The following BCL2 variants were observed in gnomAD, a reference collection of about 807,000 sequenced individuals.
The protein encoded by BCL2 is BCL2 apoptosis regulator, also known as apoptosis regulator Bcl-2.
BCL2 carries 1 observed loss-of-function variant against 14.2 expected under a neutral mutation model. That is an observed-to-expected ratio of 0.07 (90% CI 0.02 to 0.33). The LOEUF (loss-of-function observed/expected upper bound fraction) is 0.33, where lower values mean the gene tolerates loss of function less well. Ranked by LOEUF, BCL2 falls within the 10% of genes least tolerant of loss-of-function variation. The pLI is 0.99. For missense variants in BCL2, 247 were observed against 305.9 expected, an observed-to-expected ratio of 0.81 and a Z score of 1.44; for synonymous variants, 151 against 137.2, an observed-to-expected ratio of 1.10 and a Z score of -0.70.
At chr18:63,148,352 T>C (rs1914566395) in intron 2 of BCL2, among the ~76,000 whole-genome samples, 1 of 151,842 alleles carries the variant, frequency 6.6e-6, no homozygotes, top group African/African-American at 2.4e-5. Context: ...TAAAAGAAAA[T>C]CAAAAGAAAT....
At chr18:63,287,862 T>C (rs1455998990) in intron 2 of BCL2, among the ~76,000 whole-genome samples, 1 of 152,168 alleles carries the variant, frequency 6.6e-6, no homozygotes, top group Non-Finnish European at 1.5e-5. Context: ...AACTCAGATA[T>C]GCAGACTTTC....
chr18:63,264,607 C>A (rs142234112), intron 2 of BCL2, among the ~76,000 whole-genome samples: 8 of 152,312 alleles, frequency 5.3e-5, no homozygotes, highest in Non-Finnish European at 1.2e-4. Context: ...TGTCTTTGAA[C>A]AGCTTGCATG....
intron 2 of BCL2, among the ~76,000 whole-genome samples, chr18:63,260,018 G>A (rs1381787525): frequency 2.6e-5 from 4 of 152,122 alleles, no homozygotes; most frequent in African/African-American, 9.7e-5. Context: ...ATATTGTGAG[G>A]AAGACCAAAC....
At chr18:63,131,420 G>C (rs769116941) in intron 2 of BCL2, among the ~76,000 whole-genome samples, 1 of 152,220 alleles carries the variant, frequency 6.6e-6, no homozygotes, top group African/African-American at 2.4e-5. Flanking sequence ...TCTTAGCACA[G>C]AGCTAAGGCA....
chr18:63,280,021 C>T (rs991216672), intron 2 of BCL2, among the ~76,000 whole-genome samples: 3 of 152,128 alleles, frequency 2.0e-5, no homozygotes, highest in Admixed American at 6.5e-5. Flanking sequence ...GTTTCTTTTA[C>T]CTGCATGATG....
rs115885790 is a variant in BCL2, at chr18:63,202,619, G to A, written c.586-73860C>T. On this transcript the variant is annotated intron_variant, in intron 2 of 2. Transcript: ENST00000333681. ...AAAGACATGATCTGTACCTCGTTCT[G>A]TTTACAGTATTATTGCTTGGCTGTA... 7.0e-3 allele frequency among the ~76,000 whole-genome samples: 1,061 copies of A among 152,186 alleles called. 10 individuals carry two copies. The highest frequency in any genetic ancestry group is 0.024 in the African/African-American group (992 of 41,512).
chr18:63,277,747 A>G (rs1912197592), intron 2 of BCL2, among the ~76,000 whole-genome samples: 1 of 152,134 alleles, frequency 6.6e-6, no homozygotes, highest in Admixed American at 6.6e-5. Context: ...TCCACTGACC[A>G]GGTTTCTCAT....
chr18:63,311,488 C>A (rs1012089403), intron 2 of BCL2, among the ~76,000 whole-genome samples: 4 of 152,168 alleles, frequency 2.6e-5, no homozygotes, highest in African/African-American at 4.8e-5. Flanking sequence ...ATGGAGAAAA[C>A]CTCCCCTGAA....
intron 2 of BCL2, among the ~76,000 whole-genome samples, chr18:63,201,451 C>T (rs187897093): frequency 5.2e-4 from 79 of 152,198 alleles, no homozygotes; most frequent in African/African-American, 1.5e-3. Context: ...CATGATTTTA[C>T]GGAATCAGTG....
intron 2 of BCL2, among the ~76,000 whole-genome samples, chr18:63,308,728 T>C (rs2551399): frequency 0.095 from 14,454 of 152,212 alleles, 834 homozygotes; most frequent in Admixed American, 0.14. Context: ...TAAATATTAA[T>C]GAACCTGTAG....
intron 2 of BCL2, among the ~76,000 whole-genome samples, chr18:63,136,592 GAA>G (rs1032585376): frequency 1.3e-5 from 2 of 152,232 alleles, no homozygotes; most frequent in African/African-American, 4.8e-5. Flanking sequence ...AGAAAAAAAG[GAA>G]AAGACTCATG....
chr18:63,166,396 C>A (rs1275662012), intron 2 of BCL2, among the ~76,000 whole-genome samples: 2 of 152,162 alleles, frequency 1.3e-5, no homozygotes, highest in Non-Finnish European at 2.9e-5. Context: ...TCCCTGGACC[C>A]TGGACAGCAC....
At position 63,149,002 on chromosome 18, in the gene BCL2, A is replaced by G. The variant is rs1227941528; in HGVS notation, c.586-20243T>C. Among the ~76,000 whole-genome samples the G allele has an allele frequency of 6.6e-6, 1 of 152,212 alleles. No individual in the cohort carries two copies. Among genetic ancestry groups the G allele is most frequent in the African/African-American group, 2.4e-5 (1 of 41,446 alleles). ...TCAATCACGCGGCCTCCCTAAATGTAGCTATGACTCCCAGCTAAACGGGCC... is the reference window on the plus strand; with the variant it reads ...TCAATCACGCGGCCTCCCTAAATGTGGCTATGACTCCCAGCTAAACGGGCC... On this transcript the variant is annotated intron_variant, in intron 2 of 2. Transcript: ENST00000333681. The surrounding 1 kb of genome is among the most constrained non-coding windows in gnomAD (Gnocchi z 4.2).
At chr18:63,275,965 A>G (rs1912139522) in intron 2 of BCL2, among the ~76,000 whole-genome samples, 1 of 152,258 alleles carries the variant, frequency 6.6e-6, no homozygotes, top group Non-Finnish European at 1.5e-5. Context: ...TATGGTGGGA[A>G]GGGAGTGATG....
At chr18:63,279,874 G>T (rs1049257513) in intron 2 of BCL2, among the ~76,000 whole-genome samples, 3 of 152,206 alleles carry the variant, frequency 2.0e-5, no homozygotes. Context: ...CATTTAGGGT[G>T]ACATACTTAG....
intron 2 of BCL2, among the ~76,000 whole-genome samples, chr18:63,232,733 T>C (rs1194387015): frequency 6.6e-6 from 1 of 152,252 alleles, no homozygotes; most frequent in African/African-American, 2.4e-5. Flanking sequence ...CCAACCTTTA[T>C]GATGTTTGTA....
Position 63,159,802 on chromosome 18 carries a change from A to G in BCL2, c.586-31043T>C, listed in dbSNP as rs563121668. On this transcript the variant is annotated intron_variant, in intron 2 of 2. Transcript: ENST00000333681. ...ATGTGCAGAATCAGCTGGAGTTTCT[A>G]TGAGCTGAGCTGAATCTGCTCACCT... Among the ~76,000 whole-genome samples, 5 of 152,378 alleles carry G rather than the reference A, an allele frequency of 3.3e-5. 1 individual carries two copies. In the South Asian group the frequency reaches 6.2e-4, roughly 19 times the overall value.
chr18:63,170,768 C>T (rs1024945792), intron 2 of BCL2, among the ~76,000 whole-genome samples: 1 of 152,204 alleles, frequency 6.6e-6, no homozygotes, highest in Non-Finnish European at 1.5e-5. Flanking sequence ...TAAGGAAACA[C>T]AAGTACAAAC....
chr18:63,129,322 C>T (rs776033319), intron 2 of BCL2, among the ~76,000 whole-genome samples: 2 of 148,634 alleles, frequency 1.3e-5, no homozygotes, highest in Non-Finnish European at 3.0e-5. Context: ...AAGAGTCTTG[C>T]TCTGTTGCCC....
Sources: gnomAD v4.1 joint callset for allele counts (sites outside exome capture counted in the v4.1 genomes callset) on GRCh38, gnomAD v4.1.1 for gene constraint, Gnocchi (gnomAD v3.1) non-coding constraint, MANE v1.5 for transcripts, NCBI Gene and HGNC (gene_info 2026-07-23, HGNC 2026-07-21) for gene names.